Variants in ELAPOR2 observed in about 807,000 individuals in gnomAD.
ELAPOR2 encodes endosome-lysosome associated apoptosis and autophagy regulator family member 2.
In ELAPOR2, 89 loss-of-function variants were observed where a neutral mutation model predicts 120.7. That is an observed-to-expected ratio of 0.74 (90% CI 0.62 to 0.88). The LOEUF is 0.88. Ranked by LOEUF, ELAPOR2 falls within the 40% of genes least tolerant of loss-of-function variation. ELAPOR2 has a pLI of 0.00. For synonymous variants in ELAPOR2, 444 were observed against 444.9 expected (o/e 1.00, Z 0.03); for missense variants, 1,134 against 1,251.6 (o/e 0.91, Z 1.42).
chr7:87,050,743 A>T (rs1795075564), intron 1 of ELAPOR2, among the ~76,000 whole-genome samples: 1 of 152,194 alleles, frequency 6.6e-6, no homozygotes, highest in Non-Finnish European at 1.5e-5. Context: ...CAAGATGGAA[A>T]GTTACAGTGA....
At chr7:86,996,028 A>G (rs1793111244) in intron 1 of ELAPOR2, among the ~76,000 whole-genome samples, 1 of 152,184 alleles carries the variant, frequency 6.6e-6, no homozygotes, top group African/African-American at 2.4e-5. Flanking sequence ...CCTTAACACA[A>G]TGAAGCCAGC....
In ELAPOR2 at chr7:87,059,642, C is replaced by T. The variant is rs1795377240; in HGVS notation, c.-129G>A. 5 of 1,011,306 alleles carry T rather than the reference C, an allele frequency of 4.9e-6. No individual in the cohort carries two copies. The South Asian group carries it at 1.4e-4, about 29-fold the overall frequency. The allele number at this position is 1,011,306 out of a possible 1,614,324, so 62.6% of individuals were successfully genotyped here. A position where few individuals can be genotyped will look rare whatever the true frequency, so the allele number is the denominator to read the frequency against. On this transcript the variant is annotated 5_prime_UTR_variant, in exon 1 of 22. Transcript: ENST00000450689. ...CTCCGTCACCCGCTGCCCGTCCGCC[C>T]GCTGACAGCTCTGCTGCGCTCGCGG...
intron 1 of ELAPOR2, among the ~76,000 whole-genome samples, chr7:87,040,857 A>C (rs2129015532): frequency 6.6e-6 from 1 of 152,218 alleles, no homozygotes; most frequent in Admixed American, 6.5e-5. Context: ...AGAAGTTGAA[A>C]ACTTTGAAAA....
chr7:86,988,880 C>T (rs1414964687), intron 1 of ELAPOR2, among the ~76,000 whole-genome samples: 1 of 152,032 alleles, frequency 6.6e-6, no homozygotes, highest in Non-Finnish European at 1.5e-5. Flanking sequence ...AGACAATGAA[C>T]AAAAATATAT....
chr7:86,990,015 T>C (rs182921853), intron 1 of ELAPOR2, among the ~76,000 whole-genome samples: 84 of 152,070 alleles, frequency 5.5e-4, no homozygotes, highest in Non-Finnish European at 1.0e-3. Context: ...TAAGAGGTGA[T>C]TGGATCATGA....
At chr7:87,039,301 T>A (rs1478191198) in intron 1 of ELAPOR2, among the ~76,000 whole-genome samples, 1 of 152,066 alleles carries the variant, frequency 6.6e-6, no homozygotes, top group East Asian at 1.9e-4. Context: ...TGGGACCCAA[T>A]GGCTTCACTG....
intron 10 of ELAPOR2, among the ~76,000 whole-genome samples, chr7:86,920,139 T>C (rs1292297823): frequency 1.3e-5 from 2 of 152,184 alleles, no homozygotes; most frequent in Non-Finnish European, 2.9e-5. Context: ...CTAGACTGAC[T>C]TGGCGATTTT....
intron 1 of ELAPOR2, among the ~76,000 whole-genome samples, chr7:87,035,338 G>A (rs538820337): frequency 5.9e-5 from 9 of 152,280 alleles, no homozygotes; most frequent in Admixed American, 5.9e-4. Context: ...AAAGCTCATG[G>A]CTTCTGCATA....
At position 86,913,142 on chromosome 7, in the gene ELAPOR2, A is replaced by G. The variant is rs1789399726; in HGVS notation, c.1794T>C (p.Asp598=). 6.2e-7 allele frequency: 1 copy of G among 1,613,922 alleles called. No homozygotes were observed. The highest frequency in any genetic ancestry group is 1.3e-5 in the African/African-American group (1 of 74,934). The stretch of plus-strand genomic sequence containing the variant: ...AGGCACGGCATGAGGACGCCACCCC[A>G]TCAACTGCATTAGTGGCTGTGATAG... ...IYSITATNAV[D]GVASSCRACA... The change falls in exon 14 of 22, where the codon GAT becomes GAC. Residue 598 remains aspartate (D), a synonymous_variant. Coordinates refer to ENST00000450689, the MANE Select transcript of ELAPOR2 (RefSeq NM_001142749.3).
chr7:86,883,646 A>G (rs1031531432), intron 21 of ELAPOR2, among the ~76,000 whole-genome samples: 42 of 152,192 alleles, frequency 2.8e-4, no homozygotes, highest in Non-Finnish European at 5.9e-5. Context: ...ACAAAATACT[A>G]CAGATACTGT....
At chr7:87,047,965 G>T (rs760453130) in intron 1 of ELAPOR2, among the ~76,000 whole-genome samples, 99 of 152,166 alleles carry the variant, frequency 6.5e-4, no homozygotes, top group Non-Finnish European at 1.1e-3. Context: ...ATGTGGTACG[G>T]CTGGGTGCGG....
At chr7:86,969,867 G>C (rs1023955632) in intron 1 of ELAPOR2, among the ~76,000 whole-genome samples, 1 of 152,182 alleles carries the variant, frequency 6.6e-6, no homozygotes. Context: ...CTGTGAGCTG[G>C]AACAGTGAGA....
At chr7:86,901,190 C>G (rs1040936443) in intron 18 of ELAPOR2, among the ~76,000 whole-genome samples, 17 of 152,202 alleles carry the variant, frequency 1.1e-4, no homozygotes, top group African/African-American at 4.1e-4. Flanking sequence ...CTATTCAAAG[C>G]ACAACCAGGT....
intron 1 of ELAPOR2, among the ~76,000 whole-genome samples, chr7:87,038,508 A>T (rs1342213145): frequency 6.6e-6 from 1 of 152,212 alleles, no homozygotes; most frequent in Non-Finnish European, 1.5e-5. Context: ...ATTGACCTTC[A>T]TGAGTGATTA....
intron 1 of ELAPOR2, among the ~76,000 whole-genome samples, chr7:87,010,421 G>A (rs1208087766): frequency 1.3e-5 from 2 of 152,164 alleles, no homozygotes; most frequent in Non-Finnish European, 2.9e-5. Context: ...AGGCTACATA[G>A]GGGAAGACTA....
rs144805388 is a variant in ELAPOR2, at chr7:86,908,150, T to TACACAC, written c.2456+291_2456+296dup. Among the ~76,000 whole-genome samples the TACACAC allele has an allele frequency of 7.1e-4, 102 of 144,360 alleles. 1 individual carries two copies. The highest frequency in any genetic ancestry group is 8.5e-4 in the Non-Finnish European group (55 of 64,900). 94.7% of individuals were successfully genotyped at this position (144,360 alleles called of 152,430 possible). A position where few individuals can be genotyped will look rare whatever the true frequency, so the allele number is the denominator to read the frequency against. On this transcript the variant is annotated intron_variant, in intron 17 of 21. Coordinates refer to ENST00000450689, the MANE Select transcript of ELAPOR2 (RefSeq NM_001142749.3). ...TCTCTTTACTGCCAATGTAAGTGAA[T>TACACAC]ACACACACACACACACACACACACA... is the stretch of plus-strand genomic sequence containing the variant.
chr7:87,024,284 A>AT (rs1451331678), intron 1 of ELAPOR2, among the ~76,000 whole-genome samples: 2 of 152,194 alleles, frequency 1.3e-5, no homozygotes, highest in African/African-American at 4.8e-5. Flanking sequence ...GCGTTGTTGA[A>AT]TTTTGTCAAA....
At chr7:87,014,833 G>C (rs985506830) in intron 1 of ELAPOR2, among the ~76,000 whole-genome samples, 2 of 152,002 alleles carry the variant, frequency 1.3e-5, no homozygotes, top group Admixed American at 1.3e-4. Context: ...AAAAACAACT[G>C]CTATGGGAGG....
intron 1 of ELAPOR2, among the ~76,000 whole-genome samples, chr7:86,968,043 C>A (rs576340663): frequency 6.6e-6 from 1 of 152,244 alleles, no homozygotes; most frequent in South Asian, 2.1e-4. Context: ...AAAAAAAAAT[C>A]TGCTTCTAAA....
Sources: gnomAD v4.1 joint callset for allele counts (sites outside exome capture counted in the v4.1 genomes callset) on GRCh38, gnomAD v4.1.1 for gene constraint, MANE v1.5 for transcripts, NCBI Gene and HGNC (gene_info 2026-07-23, HGNC 2026-07-21) for gene names.